NEDD4: variants seen among roughly 807,000 people sequenced by gnomAD.
The protein encoded by NEDD4 is E3 ubiquitin-protein ligase NEDD4.
In NEDD4, 99 loss-of-function variants were observed where a neutral mutation model predicts 144.9. The ratio of observed to expected loss-of-function variants is 0.68; its 90% CI spans 0.58 to 0.81. The LOEUF is 0.81. Ranked by LOEUF, NEDD4 falls within the 30% of genes least tolerant of loss-of-function variation. The pLI is 0.00. For synonymous variants in NEDD4, 318 were observed against 350.6 expected (o/e 0.91, Z 1.04); for missense variants, 985 against 1,065.9 (o/e 0.92, Z 1.06).
intron 4 of NEDD4, among the ~76,000 whole-genome samples, chr15:55,937,559 T>C (rs2036917472): frequency 6.6e-6 from 1 of 152,106 alleles, no homozygotes; most frequent in Non-Finnish European, 1.5e-5. Context: ...ATTTGGTAAA[T>C]GTAACTAGCT....
At chr15:55,832,909 C>G in intron 27 of NEDD4, 99 bp downstream of exon 27, 1 of 779,490 alleles carries the variant, frequency 1.3e-6, no homozygotes, top group South Asian at 1.9e-5. Flanking sequence ...TAAAATTAAG[C>G]TAAGTGTTAG....
In NEDD4 at chr15:55,860,728, C is replaced by A. The variant is rs369378356; in HGVS notation, c.725G>T (p.Arg242Leu). 6.2e-7 allele frequency: 1 copy of A among 1,614,132 alleles called. No homozygotes were observed. Among genetic ancestry groups the A allele is most frequent in the Admixed American group, 1.7e-5 (1 of 60,018 alleles). Reference sequence around the variant, plus strand: ...TATCTGCCGCCTGGTGGTAAATGCACGTTGTGCTTGCAGTTGAATGTTGCC... The same window carrying A: ...TATCTGCCGCCTGGTGGTAAATGCAAGTTGTGCTTGCAGTTGAATGTTGCC... ...ENGNIQLQAQ[R>L]AFTTRRQISE... Residue 242 changes from arginine (R) to leucine (L), a missense_variant, in exon 10 of 29, where the codon CGT becomes CTT. Arg to Leu is a moderately radical substitution (Grantham distance 102, BLOSUM62 -2). Coordinates refer to ENST00000435532, the MANE Select transcript of NEDD4 (RefSeq NM_006154.4).
At chr15:55,901,403 CTAAT>C (rs1233312926) in intron 5 of NEDD4, among the ~76,000 whole-genome samples, 2 of 152,042 alleles carry the variant, frequency 1.3e-5, no homozygotes, top group African/African-American at 4.8e-5. Context: ...GACTTTCTGG[CTAAT>C]TATTTACTCC....
intron 1 of NEDD4, among the ~76,000 whole-genome samples, chr15:55,968,767 T>A (rs2142333885): frequency 6.6e-6 from 1 of 152,338 alleles, no homozygotes; most frequent in African/African-American, 2.4e-5. Context: ...ACTGTATTTT[T>A]AGATGTTTCC....
At chr15:55,991,277 T>C (rs542049458) in intron 1 of NEDD4, among the ~76,000 whole-genome samples, 2 of 152,114 alleles carry the variant, frequency 1.3e-5, no homozygotes, top group Non-Finnish European at 2.9e-5. Flanking sequence ...TTTCTTCCTT[T>C]AACAAAAGGG....
chr15:55,833,334 A>C (rs2033046133), intron 26 of NEDD4, among the ~76,000 whole-genome samples: 1 of 152,142 alleles, frequency 6.6e-6, no homozygotes, highest in African/African-American at 2.4e-5. Flanking sequence ...TGAAGTAACA[A>C]AATTTCTCTT....
intron 27 of NEDD4, among the ~76,000 whole-genome samples, chr15:55,830,976 T>G (rs2032922578): frequency 2.0e-5 from 3 of 152,150 alleles, no homozygotes; most frequent in African/African-American, 7.2e-5. Flanking sequence ...TGAAGTAAAA[T>G]GGCATGATCT....
intron 27 of NEDD4, among the ~76,000 whole-genome samples, chr15:55,832,258 G>A (rs1406444074): frequency 2.0e-5 from 3 of 151,202 alleles, no homozygotes; most frequent in Non-Finnish European, 4.4e-5. Flanking sequence ...AACAGTAAAG[G>A]TTCTACAGAA....
chr15:55,980,623 G>A (rs547564373), intron 1 of NEDD4, among the ~76,000 whole-genome samples: 68 of 152,308 alleles, frequency 4.5e-4, no homozygotes, highest in Non-Finnish European at 7.6e-4. Flanking sequence ...ACACAGAAAA[G>A]AGATCGAGTG....
At chr15:55,890,726 A>G (rs2035544736) in intron 5 of NEDD4, among the ~76,000 whole-genome samples, 1 of 152,152 alleles carries the variant, frequency 6.6e-6, no homozygotes, top group South Asian at 2.1e-4. Context: ...AATCTGCCAG[A>G]CCGTTTTCCA....
chr15:55,829,679 T>A lies in NEDD4; in HGVS notation c.*218A>T. 2.3e-6 allele frequency: 1 copy of A among 438,854 alleles called. No homozygotes were observed. The highest frequency in any genetic ancestry group is 4.1e-6 in the Non-Finnish European group (1 of 244,666). 27.2% of individuals were successfully genotyped at this position (438,854 alleles called of 1,614,324 possible). The stretch of plus-strand genomic sequence containing the variant: ...CTGGCTTTAGGCAGGCACCTAACTC[T>A]AAAGACAGCATGAAACAACTGTGTA... On this transcript the variant is annotated 3_prime_UTR_variant, in exon 29 of 29. Transcript: ENST00000435532.
chr15:55,919,418 G>C (rs2142221210), intron 5 of NEDD4, among the ~76,000 whole-genome samples: 1 of 152,312 alleles, frequency 6.6e-6, no homozygotes, highest in South Asian at 2.1e-4. Flanking sequence ...GGAAATGTAA[G>C]GTAAGAGAAT....
chr15:55,983,679 T>G (rs2037843880), intron 1 of NEDD4, among the ~76,000 whole-genome samples: 1 of 151,420 alleles, frequency 6.6e-6, no homozygotes, highest in South Asian at 2.1e-4. Flanking sequence ...TGGCGCAGTC[T>G]CGGTTCACTG....
At chr15:55,949,564 A>G (rs1421053854) in intron 4 of NEDD4, among the ~76,000 whole-genome samples, 1 of 152,214 alleles carries the variant, frequency 6.6e-6, no homozygotes, top group East Asian at 1.9e-4. Context: ...ATGTCCATCA[A>G]TAATAGACTG....
At chr15:55,874,050 A>T in intron 5 of NEDD4, 42 bp from the exon 6 acceptor site, 1 of 1,156,034 alleles carries the variant, frequency 8.7e-7, no homozygotes, top group Non-Finnish European at 1.2e-6. Flanking sequence ...TAATACGCTC[A>T]ATTCCTTTAG....
In NEDD4 at chr15:55,848,821, A is replaced by G. The variant is rs1456119760; in HGVS notation, c.1413T>C (p.Asp471=). Residue 471 remains aspartate, a synonymous_variant, in exon 15 of 29, where the codon GAT becomes GAC. Coordinates refer to ENST00000435532, the MANE Select transcript of NEDD4 (RefSeq NM_006154.4). The part of the protein sequence containing the change: ...RGKTSLDTSN[D]LGPLPPGWEE... ...ATACACTTACAGGTAAAGGCCCTAG[A>G]TCATTGGAAGTATCAAGTGATGTCT... The G allele has an allele frequency of 8.1e-6, 13 of 1,613,550 alleles. No homozygotes were observed. The highest frequency in any genetic ancestry group is 5.0e-5 in the Admixed American group (3 of 59,992).
chr15:55,900,425 T>C (rs2035877008), intron 5 of NEDD4, among the ~76,000 whole-genome samples: 1 of 152,186 alleles, frequency 6.6e-6, no homozygotes, highest in Non-Finnish European at 1.5e-5. Context: ...TGGTGAAGCT[T>C]AGGAAACTCA....
At chr15:55,857,776 A>T (rs755733777) in intron 11 of NEDD4, among the ~76,000 whole-genome samples, 6 of 152,112 alleles carry the variant, frequency 3.9e-5, no homozygotes, top group Admixed American at 2.6e-4. Context: ...CTTTACAAAA[A>T]TTTTTTAAAA....
At chr15:55,933,812 C>T (rs1233054429) in intron 4 of NEDD4, among the ~76,000 whole-genome samples, 1 of 152,170 alleles carries the variant, frequency 6.6e-6, no homozygotes, top group Non-Finnish European at 1.5e-5. Context: ...CTGAGGCCTT[C>T]TCAGCCATGC....
Sources: gnomAD v4.1 joint callset for allele counts (sites outside exome capture counted in the v4.1 genomes callset) on GRCh38, gnomAD v4.1.1 for gene constraint, MANE v1.5 for transcripts, NCBI Gene and HGNC (gene_info 2026-07-23, HGNC 2026-07-21) for gene names.